The following MAD1L1 variants were observed in gnomAD, a reference collection of about 807,000 sequenced individuals.
MAD1L1 encodes the protein mitotic arrest deficient 1 like 1.
In MAD1L1, 95 loss-of-function variants were observed where a neutral mutation model predicts 96.9. The ratio of observed to expected loss-of-function variants is 0.98; its 90% CI spans 0.83 to 1.16. The LOEUF (loss-of-function observed/expected upper bound fraction) is 1.16. Ranked by LOEUF, MAD1L1 falls within the 50% of genes most tolerant of loss-of-function variation. The pLI, the probability that MAD1L1 is intolerant of heterozygous loss-of-function variation, is 0.00. For missense variants in MAD1L1, 1,007 were observed against 954.4 expected (o/e 1.06, Z -0.73); for synonymous variants, 473 against 396.6 (o/e 1.19, Z -2.29).
chr7:2,044,218 C>G (rs1783820944), intron 12 of MAD1L1, among the ~76,000 whole-genome samples: 1 of 152,228 alleles, frequency 6.6e-6, no homozygotes, highest in Non-Finnish European at 1.5e-5. Flanking sequence ...CTCATTCCTC[C>G]CAACTTGTTC....
intron 11 of MAD1L1, among the ~76,000 whole-genome samples, chr7:2,084,328 C>T (rs3800893): frequency 0.18 from 27,440 of 152,282 alleles, 2,923 homozygotes; most frequent in Middle Eastern, 0.33. Context: ...GAGACAGCCA[C>T]GGGCAGCGCG....
At chr7:2,138,466 C>T (rs1328146100) in intron 11 of MAD1L1, among the ~76,000 whole-genome samples, 1 of 152,222 alleles carries the variant, frequency 6.6e-6, no homozygotes, top group African/African-American at 2.4e-5. Context: ...CTTCAGCATG[C>T]AGAGGTTGAA....
At chr7:2,062,870 C>T (rs1784722610) in intron 12 of MAD1L1, among the ~76,000 whole-genome samples, 1 of 152,190 alleles carries the variant, frequency 6.6e-6, no homozygotes. Context: ...CACAGCATCA[C>T]AACAGCAGCA....
Position 1,995,780 on chromosome 7 carries a change from A to G in MAD1L1, c.1416+6285T>C, listed in dbSNP as rs188938654. Among the ~76,000 whole-genome samples the G allele has an allele frequency of 1.1e-4, 17 of 151,640 alleles. No individual in the cohort carries two copies. In the East Asian group the frequency reaches 3.1e-3, roughly 28 times the overall value. Reference sequence around the variant, plus strand: ...GGACCAGGAGGCTGCCAGCAGCCATACAGAACCCCGGTGCCACCAGCCATA... The same window carrying G: ...GGACCAGGAGGCTGCCAGCAGCCATGCAGAACCCCGGTGCCACCAGCCATA... On this transcript the variant is annotated intron_variant, in intron 14 of 18. Coordinates refer to ENST00000265854, the MANE Select transcript of MAD1L1 (RefSeq NM_001013836.2).
At chr7:1,901,193 C>A (rs1278407238) in intron 17 of MAD1L1, among the ~76,000 whole-genome samples, 1 of 152,190 alleles carries the variant, frequency 6.6e-6, no homozygotes, top group Non-Finnish European at 1.5e-5. Flanking sequence ...AGCGTTCTGA[C>A]CCCCCTTTAT....
At chr7:2,111,101 C>T (rs1787354573) in intron 11 of MAD1L1, among the ~76,000 whole-genome samples, 1 of 152,166 alleles carries the variant, frequency 6.6e-6, no homozygotes, top group African/African-American at 2.4e-5. Context: ...CCAAGTCCTC[C>T]GACGAAAAGT....
At chr7:1,954,110 G>T (rs1384188817) in intron 16 of MAD1L1, among the ~76,000 whole-genome samples, 2 of 152,188 alleles carry the variant, frequency 1.3e-5, no homozygotes, top group Non-Finnish European at 2.9e-5. Context: ...CCCGCATGTG[G>T]CCCATCAGAA....
chr7:2,066,517 G>A (rs1008508461), intron 12 of MAD1L1, among the ~76,000 whole-genome samples: 4 of 152,218 alleles, frequency 2.6e-5, no homozygotes, highest in South Asian at 2.1e-4. Context: ...GCAGGCCCGC[G>A]AGCACAGCAG....
intron 11 of MAD1L1, among the ~76,000 whole-genome samples, chr7:2,086,879 A>G (rs1462630295): frequency 1.3e-5 from 2 of 152,220 alleles, no homozygotes; most frequent in Non-Finnish European, 2.9e-5. Context: ...TTCTGCGACT[A>G]AAAGCAAGGG....
intron 12 of MAD1L1, among the ~76,000 whole-genome samples, chr7:2,027,981 G>C (rs1426250913): frequency 6.6e-6 from 1 of 152,180 alleles, no homozygotes; most frequent in Non-Finnish European, 1.5e-5. Context: ...AAAATAAGTA[G>C]ATTTAGCAAT....
At chr7:2,227,109 C>A (rs774477379) in intron 3 of MAD1L1, among the ~76,000 whole-genome samples, 5 of 152,020 alleles carry the variant, frequency 3.3e-5, no homozygotes, top group Non-Finnish European at 7.4e-5. Context: ...GCCTGGCCAA[C>A]ATGGTGAAAC....
intron 10 of MAD1L1, among the ~76,000 whole-genome samples, chr7:2,201,431 A>T (rs1054947744): frequency 6.6e-6 from 1 of 152,158 alleles, no homozygotes; most frequent in Non-Finnish European, 1.5e-5. Context: ...GCCCACAAGG[A>T]GGGGACAGCA....
At chr7:2,200,112 C>A (rs1048651434) in intron 10 of MAD1L1, among the ~76,000 whole-genome samples, 27 of 152,256 alleles carry the variant, frequency 1.8e-4, no homozygotes, top group African/African-American at 6.3e-4. Flanking sequence ...GCACCCACGA[C>A]AGGTGGAGGG....
intron 18 of MAD1L1, among the ~76,000 whole-genome samples, chr7:1,896,501 G>A (rs1786880284): frequency 6.6e-6 from 1 of 152,236 alleles, no homozygotes; most frequent in Non-Finnish European, 1.5e-5. Flanking sequence ...TGCTGACGGT[G>A]TTTTTAAAAA....
intron 18 of MAD1L1, among the ~76,000 whole-genome samples, chr7:1,859,119 C>T (rs1784397236): frequency 8.0e-6 from 1 of 124,442 alleles, no homozygotes; most frequent in Non-Finnish European, 1.9e-5. Flanking sequence ...GACCTCCACA[C>T]ACAACCCCAC....
intron 11 of MAD1L1, among the ~76,000 whole-genome samples, chr7:2,147,153 C>A (rs1206157290): frequency 6.6e-6 from 1 of 152,196 alleles, no homozygotes; most frequent in Admixed American, 6.5e-5. Flanking sequence ...TCACAGCAAC[C>A]CAGTCGTTAC....
At chr7:1,833,537 C>T (rs556780552) in intron 18 of MAD1L1, among the ~76,000 whole-genome samples, 3 of 152,344 alleles carry the variant, frequency 2.0e-5, no homozygotes, top group East Asian at 1.9e-4. Flanking sequence ...ATGTCAGCTA[C>T]TTGACATCGA....
chr7:1,981,271 G>T (rs1475778393), intron 14 of MAD1L1, among the ~76,000 whole-genome samples: 1 of 152,196 alleles, frequency 6.6e-6, no homozygotes, highest in Non-Finnish European at 1.5e-5. Flanking sequence ...CCGGCCAGGA[G>T]TGTGGATTCT....
intron 10 of MAD1L1, among the ~76,000 whole-genome samples, chr7:2,198,858 G>A (rs868371365): frequency 2.0e-5 from 3 of 152,242 alleles, no homozygotes; most frequent in Admixed American, 6.5e-5. Context: ...TGCCCTTTGA[G>A]GCTCAGGAGC....
Sources: gnomAD v4.1 joint callset for allele counts (sites outside exome capture counted in the v4.1 genomes callset) on GRCh38, gnomAD v4.1.1 for gene constraint, MANE v1.5 for transcripts, NCBI Gene and HGNC (gene_info 2026-07-23, HGNC 2026-07-21) for gene names.